GALM: variants seen among roughly 807,000 people sequenced by gnomAD.
GALM encodes the protein galactose mutarotase.
In GALM, 43 loss-of-function variants were observed where a neutral mutation model predicts 37.4. The ratio of observed to expected loss-of-function variants is 1.15; its 90% CI spans 0.90 to 1.48. The LOEUF is 1.48. Ranked by LOEUF, GALM falls within the 40% of genes most tolerant of loss-of-function variation. The probability of loss-of-function intolerance (pLI) is 0.00; values close to 1 mark genes in which losing one functional copy is unlikely to be tolerated. For missense variants in GALM, 456 were observed against 419.1 expected, an observed-to-expected ratio of 1.09 and a Z score of -0.77; for synonymous variants, 199 against 170.6, an observed-to-expected ratio of 1.17 and a Z score of -1.30.
rs556631134 is a variant in GALM at position 38,679,429 on chromosome 2, A to T, written c.346-1851A>T. ...TAACTCCACTGAACTCAATTTGCTC[A>T]TCTGTAAAATGGAGGTAAATAATAT... On this transcript the variant is annotated intron_variant, in intron 2 of 6. Transcript: ENST00000272252. Among the ~76,000 whole-genome samples, 228 of 152,240 alleles carry T rather than the reference A, an allele frequency of 1.5e-3. 1 individual carries two copies. The highest frequency in any genetic ancestry group is 5.0e-3 in the African/African-American group (208 of 41,516).
At chr2:38,672,279 C>T (rs1665128065) in intron 1 of GALM, among the ~76,000 whole-genome samples, 1 of 152,186 alleles carries the variant, frequency 6.6e-6, no homozygotes. Context: ...AAAATCTCTA[C>T]AGTCAAACAT....
In GALM at chr2:38,689,881, C is replaced by T; in HGVS notation, c.621C>T (p.Thr207=). The part of the protein sequence containing the change: ...EADTYLPVDE[T]LIPTGEVAPV... ...ATACTTATTTGCCTGTGGATGAAAC[C>T]CTGATTCCTACAGGTTGGTGAATTT... is the stretch of plus-strand genomic sequence containing the variant. The change falls in exon 4 of 7, where the codon ACC becomes ACT. Residue 207 remains threonine (T), a synonymous_variant. Transcript: ENST00000272252. The T allele has an allele frequency of 6.2e-7, 1 of 1,604,216 alleles. No individual in the cohort carries two copies. Among genetic ancestry groups the T allele is most frequent in the South Asian group, 1.1e-5 (1 of 90,636 alleles).
intron 4 of GALM, among the ~76,000 whole-genome samples, chr2:38,724,553 C>T (rs890495824): frequency 9.2e-5 from 14 of 152,210 alleles, no homozygotes; most frequent in African/African-American, 2.9e-4. Flanking sequence ...TTTCCATATA[C>T]TTGATCATTA....
intron 1 of GALM, among the ~76,000 whole-genome samples, chr2:38,670,207 ATT>A (rs1665057950): frequency 6.6e-6 from 1 of 152,118 alleles, no homozygotes; most frequent in African/African-American, 2.4e-5. Context: ...AGTCATTATG[ATT>A]TCTTTCAAAG....
At chr2:38,722,948 AAAGT>A (rs1161182301) in intron 4 of GALM, among the ~76,000 whole-genome samples, 1 of 152,192 alleles carries the variant, frequency 6.6e-6, no homozygotes, top group Non-Finnish European at 1.5e-5. Flanking sequence ...CACCATCTGC[AAAGT>A]AAGGGGACGG....
chr2:38,668,753 A>AC (rs1437751729), intron 1 of GALM: 1 of 152,004 alleles, frequency 6.6e-6, no homozygotes, highest in East Asian at 1.9e-4. Flanking sequence ...ACATAGTGAG[A>AC]CCCTGTCTCT....
At chr2:38,692,887 G>A (rs1007393146) in intron 4 of GALM, among the ~76,000 whole-genome samples, 23 of 152,204 alleles carry the variant, frequency 1.5e-4, no homozygotes, top group Non-Finnish European at 2.6e-4. Flanking sequence ...GGCGGTGCAA[G>A]AAATAGCAGG....
At chr2:38,705,113 G>A (rs1198031254) in intron 4 of GALM, among the ~76,000 whole-genome samples, 2 of 152,140 alleles carry the variant, frequency 1.3e-5, no homozygotes, top group African/African-American at 2.4e-5. Context: ...TGTCAGAAGG[G>A]GAATTATTTG....
chr2:38,669,299 G>C (rs1449407845), intron 1 of GALM: 2 of 152,242 alleles, frequency 1.3e-5, no homozygotes, highest in African/African-American at 4.8e-5. Flanking sequence ...TAGAAAAGCA[G>C]TGTGAAAATC....
At chr2:38,710,091 G>T (rs759043249) in intron 4 of GALM, among the ~76,000 whole-genome samples, 2 of 152,154 alleles carry the variant, frequency 1.3e-5, no homozygotes, top group Non-Finnish European at 2.9e-5. Context: ...CTGAACCTGG[G>T]GCTTCCTCAG....
chr2:38,703,922 C>T (rs941799470), intron 4 of GALM, among the ~76,000 whole-genome samples: 1 of 151,796 alleles, frequency 6.6e-6, no homozygotes, highest in Admixed American at 6.6e-5. Context: ...GGCTGAGGCA[C>T]AAGAATTGCT....
At chr2:38,688,193 C>T (rs1665588545) in intron 3 of GALM, among the ~76,000 whole-genome samples, 1 of 147,380 alleles carries the variant, frequency 6.8e-6, no homozygotes, top group African/African-American at 2.5e-5. Context: ...GCCTGGGCGA[C>T]AGAGTGAGAC....
chr2:38,714,508 C>T (rs542684654), intron 4 of GALM, among the ~76,000 whole-genome samples: 7 of 152,220 alleles, frequency 4.6e-5, no homozygotes, highest in African/African-American at 1.7e-4. Context: ...CCACTGCGCC[C>T]GGCTGAACTA....
chr2:38,709,567 A>C lies in GALM; in HGVS notation c.634+19673A>C, dbSNP rs181296695. ...TCGGTGGAAAGGAAAAAAAAAAAAAACATAAGACAAAAAGCCAGCAACAGA... is the reference window on the plus strand; with the variant it reads ...TCGGTGGAAAGGAAAAAAAAAAAAACCATAAGACAAAAAGCCAGCAACAGA... On this transcript the variant is annotated intron_variant, in intron 4 of 6. Transcript: ENST00000272252. Among the ~76,000 whole-genome samples the C allele has an allele frequency of 4.7e-3, 709 of 152,046 alleles. 22 individuals are homozygous for C. In the East Asian group the frequency reaches 0.065, roughly 14 times the overall value.
intron 4 of GALM, among the ~76,000 whole-genome samples, chr2:38,693,112 C>G: frequency 6.6e-6 from 1 of 152,292 alleles, no homozygotes; most frequent in South Asian, 2.1e-4. Context: ...GTGCCTGAGT[C>G]CAGTCTCAAA....
At chr2:38,724,169 T>G (rs1666438826) in intron 4 of GALM, among the ~76,000 whole-genome samples, 1 of 152,228 alleles carries the variant, frequency 6.6e-6, no homozygotes, top group Non-Finnish European at 1.5e-5. Flanking sequence ...TCTGTCCATC[T>G]CGGCCTCCCA....
chr2:38,700,101 G>C (rs1213311884), intron 4 of GALM, among the ~76,000 whole-genome samples: 2 of 152,092 alleles, frequency 1.3e-5, no homozygotes, highest in African/African-American at 4.8e-5. Context: ...ACAGGTGCCC[G>C]CCACCACACC....
chr2:38,731,736 G>T lies in GALM; in HGVS notation c.778G>T (p.Val260Leu). The T allele has an allele frequency of 6.2e-7, 1 of 1,613,044 alleles. No individual in the cohort carries two copies. Among genetic ancestry groups the T allele is most frequent in the Middle Eastern group, 1.7e-4 (1 of 5,982 alleles). Residue 260 changes from valine (V) to leucine (L), a missense_variant and splice_region_variant, in exon 6 of 7, where the codon GTG (valine) becomes TTG (leucine). Transcript: ENST00000272252. ...CATGTTGTTTGTATTTCTTACCAGG[G>T]TGCATCATGCTGCAAGCGGGCGGGT... ...GSKEKHFCAR[V>L]HHAASGRVLE...
chr2:38,703,532 G>A (rs926611200), intron 4 of GALM, among the ~76,000 whole-genome samples: 1 of 152,036 alleles, frequency 6.6e-6, no homozygotes, highest in African/African-American at 2.4e-5. Context: ...GGGCCTCATT[G>A]ACTGAATCTG....
Sources: allele counts gnomAD v4.1 joint callset (sites outside exome capture counted in the v4.1 genomes callset), GRCh38; gene constraint gnomAD v4.1.1; transcripts MANE v1.5; gene names NCBI Gene and HGNC (gene_info 2026-07-23, HGNC 2026-07-21).